The following STARD13 variants were observed in gnomAD, a reference collection of about 807,000 sequenced individuals.
The protein encoded by STARD13 is StAR related lipid transfer domain containing 13.
STARD13 carries 62 observed loss-of-function variants against 106.4 expected under a neutral mutation model. The observed-to-expected ratio is 0.58, with a 90% confidence interval of 0.48 to 0.72. The LOEUF (loss-of-function observed/expected upper bound fraction) is 0.72. Ranked by LOEUF, STARD13 falls within the 30% of genes least tolerant of loss-of-function variation. The probability of loss-of-function intolerance (pLI) is 0.00; values close to 1 mark genes in which losing one functional copy is unlikely to be tolerated. For missense variants in STARD13, 1,387 were observed against 1,424.0 expected (o/e 0.97, Z 0.42); for synonymous variants, 565 against 553.0 (o/e 1.02, Z -0.31).
At chr13:33,582,105 C>T in the STARD13 span, among the ~76,000 whole-genome samples, 1 of 151,968 alleles carries the variant, frequency 6.6e-6, no homozygotes. Context: ...GCCTGTAGTC[C>T]CAGCTACTCA....
intron 1 of STARD13, among the ~76,000 whole-genome samples, chr13:33,204,324 C>T (rs928891902): frequency 6.6e-6 from 1 of 152,154 alleles, no homozygotes; most frequent in African/African-American, 2.4e-5. Context: ...GAGTATCAGA[C>T]GCACATCTCT....
the STARD13 span, among the ~76,000 whole-genome samples, chr13:33,482,027 A>G: frequency 6.6e-6 from 1 of 151,990 alleles, no homozygotes; most frequent in African/African-American, 2.4e-5. Flanking sequence ...AGAAGCACTG[A>G]CTGGATATTT....
At chr13:33,605,972 C>T in the STARD13 span, among the ~76,000 whole-genome samples, 1 of 152,090 alleles carries the variant, frequency 6.6e-6, no homozygotes, top group Non-Finnish European at 1.5e-5. Flanking sequence ...GAGCAAGTTA[C>T]TTAATCTCTT....
intron 1 of STARD13, among the ~76,000 whole-genome samples, chr13:33,342,385 T>A (rs2077970355): frequency 6.6e-6 from 1 of 152,220 alleles, no homozygotes. Context: ...AAACATTTTT[T>A]ATTTAATAAA....
At chr13:33,369,139 A>C in the STARD13 span, among the ~76,000 whole-genome samples, 2 of 151,784 alleles carry the variant, frequency 1.3e-5, no homozygotes, top group Non-Finnish European at 2.9e-5. Context: ...TTATCCCACC[A>C]CTCTACAAGT....
At chr13:33,187,899 G>A (rs1368144683) in intron 1 of STARD13, among the ~76,000 whole-genome samples, 1 of 152,112 alleles carries the variant, frequency 6.6e-6, no homozygotes, top group African/African-American at 2.4e-5. Context: ...GGCTAGCCTG[G>A]TCTCAAACTC....
chr13:33,227,345 T>C (rs757307149), intron 1 of STARD13, among the ~76,000 whole-genome samples: 1 of 152,240 alleles, frequency 6.6e-6, no homozygotes, highest in African/African-American at 2.4e-5. Context: ...ATATGTGGAT[T>C]TAAACAGATA....
the STARD13 span, among the ~76,000 whole-genome samples, chr13:33,587,215 CAAAA>C: frequency 3.1e-5 from 3 of 96,776 alleles, no homozygotes; most frequent in Non-Finnish European, 4.6e-5. Context: ...GACTCTGTCT[CAAAA>C]AAAAAAAAAA....
Position 33,129,059 on chromosome 13 carries a change from A to G in STARD13, c.1618T>C (p.Ser540Pro). 3.7e-6 allele frequency: 6 copies of G among 1,614,150 alleles called. No individual in the cohort carries two copies. Among genetic ancestry groups the G allele is most frequent in the Non-Finnish European group, 5.1e-6 (6 of 1,180,020 alleles). ...NQITLDFEGN[S>P]VSEGRTTPSD... ...GGTGTCGTCCGACCTTCTGAGACAGAGTTACCTTCAAAATCTAAGGTGATC... is the reference window on the plus strand; with the variant it reads ...GGTGTCGTCCGACCTTCTGAGACAGGGTTACCTTCAAAATCTAAGGTGATC... The change falls in exon 5 of 14, where the codon TCT becomes CCT. Residue 540 changes from serine to proline, a missense_variant. Transcript: ENST00000336934.
At chr13:33,507,199 A>C in the STARD13 span, among the ~76,000 whole-genome samples, 1 of 152,218 alleles carries the variant, frequency 6.6e-6, no homozygotes, top group East Asian at 1.9e-4. Flanking sequence ...ACTAAAGCAG[A>C]AGCAGATATA....
intron 1 of STARD13, among the ~76,000 whole-genome samples, chr13:33,178,022 G>A (rs1884874309): frequency 2.5e-5 from 2 of 78,972 alleles, no homozygotes; most frequent in African/African-American, 9.7e-5. Context: ...AAGGAAGGAA[G>A]GAAGGAAGGA....
At chr13:33,175,450 G>C (rs1458786010) in intron 1 of STARD13, among the ~76,000 whole-genome samples, 2 of 152,220 alleles carry the variant, frequency 1.3e-5, no homozygotes, top group Admixed American at 1.3e-4. Flanking sequence ...CACCAAGCCA[G>C]TAGAGTCTTC....
At chr13:33,261,277 C>G (rs1336345527) in intron 1 of STARD13, among the ~76,000 whole-genome samples, 1 of 152,120 alleles carries the variant, frequency 6.6e-6, no homozygotes, top group Non-Finnish European at 1.5e-5. Context: ...ACTATGGATG[C>G]CTCTTAGCAT....
intron 1 of STARD13, chr13:33,278,382 A>G (rs1387837463): frequency 2.0e-5 from 3 of 152,204 alleles, no homozygotes; most frequent in Non-Finnish European, 4.4e-5. Flanking sequence ...CTAGGTTAAG[A>G]CAGAGAATCT....
intron 1 of STARD13, among the ~76,000 whole-genome samples, chr13:33,216,277 C>A (rs1485192435): frequency 6.6e-6 from 1 of 152,120 alleles, no homozygotes; most frequent in Non-Finnish European, 1.5e-5. Context: ...ATGTTTATAG[C>A]AGCAAAATTC....
the STARD13 span, among the ~76,000 whole-genome samples, chr13:33,366,246 AG>A: frequency 6.6e-6 from 1 of 152,138 alleles, no homozygotes; most frequent in Non-Finnish European, 1.5e-5. This position sits in a 1 kb window ranked among gnomAD's most constrained non-coding sequence, Gnocchi z 4.2. Flanking sequence ...CATTCTATTA[AG>A]AAAGCTTAAG....
At chr13:33,350,749 C>A (rs1457224078), upstream of STARD13, 3 of 838,424 alleles carry the variant, frequency 3.6e-6, no homozygotes, top group East Asian at 8.8e-5. Flanking sequence ...GGCTGCCTCG[C>A]GCCCCACTCC....
At chr13:33,622,808 T>G in the STARD13 span, among the ~76,000 whole-genome samples, 1 of 151,044 alleles carries the variant, frequency 6.6e-6, no homozygotes, top group African/African-American at 2.4e-5. Flanking sequence ...TAGTCCCAGC[T>G]ACTCGGGAGG....
chr13:33,628,141 C>T, the STARD13 span, among the ~76,000 whole-genome samples: 1 of 114,568 alleles, frequency 8.7e-6, no homozygotes, highest in Admixed American at 1.1e-4. Context: ...GACTCTCTCT[C>T]TTGTAAAACA....
Sources: allele counts gnomAD v4.1 joint callset (sites outside exome capture counted in the v4.1 genomes callset), GRCh38; gene constraint gnomAD v4.1.1; non-coding constraint Gnocchi (gnomAD v3.1); transcripts MANE v1.5; gene names NCBI Gene and HGNC (gene_info 2026-07-23, HGNC 2026-07-21).